Variants in RANBP2 observed in about 807,000 individuals in gnomAD.
The protein encoded by RANBP2 is RAN binding protein 2.
In RANBP2, 57 loss-of-function variants were observed where a neutral mutation model predicts 303.6. That is an observed-to-expected ratio of 0.19 (90% CI 0.15 to 0.23). The LOEUF is 0.23. RANBP2 is among the 10% of genes least tolerant of loss of function. RANBP2 has a pLI of 1.00. For synonymous variants in RANBP2, 1,167 were observed against 1,301.5 expected (o/e 0.90, Z 2.23); for missense variants, 3,138 against 3,780.8 (o/e 0.83, Z 4.46).
chr2:109,239,630 G>A, the RANBP2 span, among the ~76,000 whole-genome samples: 1 of 152,170 alleles, frequency 6.6e-6, no homozygotes, highest in Admixed American at 6.5e-5. Flanking sequence ...CAGGATAACA[G>A]GGAGGAAAGA....
chr2:108,873,912 A>T, the RANBP2 span, among the ~76,000 whole-genome samples: 2 of 151,760 alleles, frequency 1.3e-5, no homozygotes, highest in Admixed American at 6.6e-5. Flanking sequence ...TTTGATTATT[A>T]AAAAAAAATT....
the RANBP2 span, among the ~76,000 whole-genome samples, chr2:109,661,371 C>T: frequency 0.3 from 46,177 of 151,782 alleles, 7,753 homozygotes; most frequent in Middle Eastern, 0.44. Context: ...CTCAGCCTCC[C>T]GAGTAGCTGG....
chr2:108,977,517 G>C, the RANBP2 span, among the ~76,000 whole-genome samples: 1 of 152,134 alleles, frequency 6.6e-6, no homozygotes, highest in Non-Finnish European at 1.5e-5. Flanking sequence ...TGATCCGCCA[G>C]CCTCGGCCTC....
the RANBP2 span, among the ~76,000 whole-genome samples, chr2:109,673,837 G>A: frequency 1.3e-5 from 2 of 152,160 alleles, no homozygotes; most frequent in Non-Finnish European, 2.9e-5. Flanking sequence ...ATGTATGAGA[G>A]CTCCAGGGAT....
the RANBP2 span, among the ~76,000 whole-genome samples, chr2:109,683,524 C>G: frequency 6.6e-6 from 1 of 152,170 alleles, no homozygotes; most frequent in Non-Finnish European, 1.5e-5. Context: ...AGGCCAGACA[C>G]AGAGTAAATA....
At chr2:109,078,420 C>T in the RANBP2 span, among the ~76,000 whole-genome samples, 105 of 147,538 alleles carry the variant, frequency 7.1e-4, 5 homozygotes, top group South Asian at 5.4e-3. Context: ...AAGCAAATAT[C>T]ATATGATCTC....
the RANBP2 span, among the ~76,000 whole-genome samples, chr2:109,341,364 G>A: frequency 6.6e-6 from 1 of 152,236 alleles, no homozygotes. Context: ...TTAAAATAAG[G>A]TAAGGCCAAG....
chr2:109,629,941 G>A, the RANBP2 span, among the ~76,000 whole-genome samples: 6 of 152,150 alleles, frequency 3.9e-5, no homozygotes, highest in African/African-American at 1.4e-4. Context: ...CCCCCATGGA[G>A]AACACAGTGA....
At chr2:109,574,275 C>CA in the RANBP2 span, among the ~76,000 whole-genome samples, 381 of 130,888 alleles carry the variant, frequency 2.9e-3, no homozygotes, top group African/African-American at 4.2e-3. Flanking sequence ...TCCAACTCCA[C>CA]AAAAAAAAAA....
At chr2:109,364,255 T>C in the RANBP2 span, among the ~76,000 whole-genome samples, 1 of 152,082 alleles carries the variant, frequency 6.6e-6, no homozygotes, top group Non-Finnish European at 1.5e-5. Flanking sequence ...TCCTCAACTG[T>C]GTCCAGTCTC....
At chr2:109,078,139 TG>T in the RANBP2 span, among the ~76,000 whole-genome samples, 1 of 59,764 alleles carries the variant, frequency 1.7e-5, no homozygotes, top group Non-Finnish European at 2.9e-5. Flanking sequence ...ATATATAGCG[TG>T]TATATATATA....
At chr2:109,410,143 T>G in the RANBP2 span, among the ~76,000 whole-genome samples, 1 of 152,222 alleles carries the variant, frequency 6.6e-6, no homozygotes, top group Non-Finnish European at 1.5e-5. Context: ...AGTGTCTGGT[T>G]ACAACCTGGC....
chr2:109,486,055 ATG>A, the RANBP2 span, among the ~76,000 whole-genome samples: 6 of 152,252 alleles, frequency 3.9e-5, no homozygotes, highest in African/African-American at 1.4e-4. Context: ...CTTTCAACCC[ATG>A]TGTGTCCCTG....
intron 17 of RANBP2, among the ~76,000 whole-genome samples, chr2:108,756,233 A>G (rs1676308050): frequency 6.6e-6 from 1 of 152,198 alleles, no homozygotes; most frequent in Admixed American, 6.5e-5. Flanking sequence ...TGTGTTTCAA[A>G]TGTATAGCTA....
chr2:109,609,971 A>G, the RANBP2 span, among the ~76,000 whole-genome samples: 1 of 152,190 alleles, frequency 6.6e-6, no homozygotes, highest in South Asian at 2.1e-4. Flanking sequence ...CTCCTGAATC[A>G]TAAAATGATG....
At chr2:109,682,867 C>T in the RANBP2 span, among the ~76,000 whole-genome samples, 2 of 152,220 alleles carry the variant, frequency 1.3e-5, no homozygotes, top group Non-Finnish European at 2.9e-5. Context: ...TCACAAAGCA[C>T]TGTCCGCTCC....
chr2:108,916,381 C>A, the RANBP2 span, among the ~76,000 whole-genome samples: 1 of 152,112 alleles, frequency 6.6e-6, no homozygotes, highest in African/African-American at 2.4e-5. Flanking sequence ...GGCCTGTGGT[C>A]TAGAGTGGGG....
chr2:109,116,427 T>C, the RANBP2 span, among the ~76,000 whole-genome samples: 1 of 152,258 alleles, frequency 6.6e-6, no homozygotes, highest in Non-Finnish European at 1.5e-5. Flanking sequence ...TCACATCGGC[T>C]CCTGAGGCTT....
the RANBP2 span, among the ~76,000 whole-genome samples, chr2:109,623,281 C>T: frequency 5.3e-5 from 8 of 152,338 alleles, no homozygotes; most frequent in East Asian, 1.2e-3. Flanking sequence ...TACCCACCCC[C>T]GGCCACTTGT....
Sources: gnomAD v4.1 joint callset for allele counts (sites outside exome capture counted in the v4.1 genomes callset) on GRCh38, gnomAD v4.1.1 for gene constraint, MANE v1.5 for transcripts, NCBI Gene and HGNC (gene_info 2026-07-23, HGNC 2026-07-21) for gene names.